GPC5: variants seen among roughly 807,000 people sequenced by gnomAD.
GPC5 encodes glypican-5.
A neutral mutation model predicts 53.9 loss-of-function variants in GPC5; 47 were observed. The ratio of observed to expected loss-of-function variants is 0.87; its 90% CI spans 0.69 to 1.11. GPC5 has a LOEUF of 1.11. GPC5 is among the 50% of genes most tolerant of loss of function. The pLI is 0.00. For synonymous variants in GPC5, 286 were observed against 263.3 expected (o/e 1.09, Z -0.84); for missense variants, 748 against 713.1 (o/e 1.05, Z -0.56).
At chr13:92,517,040 C>A (rs771286393) in intron 7 of GPC5, among the ~76,000 whole-genome samples, 2 of 152,146 alleles carry the variant, frequency 1.3e-5, no homozygotes, top group Non-Finnish European at 2.9e-5. Flanking sequence ...TATCCCGCGC[C>A]TGTCTCGGAG....
At chr13:92,219,050 A>G (rs1027560344) in intron 7 of GPC5, among the ~76,000 whole-genome samples, 1 of 152,086 alleles carries the variant, frequency 6.6e-6, no homozygotes, top group Non-Finnish European at 1.5e-5. Context: ...TAATCATCCC[A>G]ACATTCCGTG....
chr13:92,239,466 A>G (rs1183207254), intron 7 of GPC5, among the ~76,000 whole-genome samples: 1 of 152,026 alleles, frequency 6.6e-6, no homozygotes, highest in Non-Finnish European at 1.5e-5. Context: ...TAAACCATCC[A>G]TAGTGTTGCA....
chr13:91,677,906 T>C (rs934249707), intron 2 of GPC5, among the ~76,000 whole-genome samples: 3 of 152,224 alleles, frequency 2.0e-5, no homozygotes, highest in Non-Finnish European at 1.5e-5. Flanking sequence ...TTTGACTATG[T>C]TACTGTTGGA....
intron 2 of GPC5, among the ~76,000 whole-genome samples, chr13:91,584,612 C>G (rs776464393): frequency 1.7e-4 from 25 of 150,860 alleles, no homozygotes; most frequent in Non-Finnish European, 3.2e-4. Flanking sequence ...GAGTTTTGCT[C>G]TTGTTGCCCA....
intron 7 of GPC5, among the ~76,000 whole-genome samples, chr13:92,527,412 G>C (rs1409681866): frequency 6.6e-6 from 1 of 152,076 alleles, no homozygotes; most frequent in Non-Finnish European, 1.5e-5. Flanking sequence ...GCAGAGTATG[G>C]TTAATAGCCA....
Position 91,693,780 on chromosome 13 carries a change from C to A in GPC5, c.919C>A (p.His307Asn). The A allele has an allele frequency of 6.2e-7, 1 of 1,614,122 alleles. No individual in the cohort carries two copies. The highest frequency in any genetic ancestry group is 8.5e-7 in the Non-Finnish European group (1 of 1,180,022). The change falls in exon 3 of 8, where the codon CAT becomes AAT. Residue 307 changes from histidine to asparagine, a missense_variant. Transcript: ENST00000377067. Reference sequence around the variant, plus strand: ...GTTGGAAGAACTCTCGGATGCAATGCATGGAACATACGACATTGGACACGT... The same window carrying A: ...GTTGGAAGAACTCTCGGATGCAATGAATGGAACATACGACATTGGACACGT... ...RSLEELSDAM[H>N]GTYDIGHVLL...
chr13:91,610,289 A>G (rs548248764), intron 2 of GPC5, among the ~76,000 whole-genome samples: 10 of 152,318 alleles, frequency 6.6e-5, no homozygotes, highest in Admixed American at 5.9e-4. Flanking sequence ...GAAAACAGTA[A>G]TGAAAAGAAT....
chr13:91,434,808 C>G (rs1879782800), intron 1 of GPC5, among the ~76,000 whole-genome samples: 1 of 152,140 alleles, frequency 6.6e-6, no homozygotes, highest in Non-Finnish European at 1.5e-5. Context: ...ATTGATTCTT[C>G]CTATCCATGA....
chr13:91,514,088 C>T (rs1885374063), intron 2 of GPC5, among the ~76,000 whole-genome samples: 1 of 152,148 alleles, frequency 6.6e-6, no homozygotes. Flanking sequence ...TGGTTATTTT[C>T]AGTAAAGCTA....
intron 3 of GPC5, among the ~76,000 whole-genome samples, chr13:91,711,983 C>T (rs766532253): frequency 8.5e-5 from 13 of 152,138 alleles, no homozygotes; most frequent in Non-Finnish European, 1.5e-4. Context: ...TCTAAGAACA[C>T]GGTTCAGAAA....
intron 5 of GPC5, among the ~76,000 whole-genome samples, chr13:91,896,161 C>T (rs1026081963): frequency 6.8e-6 from 1 of 147,334 alleles, no homozygotes; most frequent in Non-Finnish European, 1.5e-5. Flanking sequence ...GCTCTATCAT[C>T]CAGGCTGGAG....
rs535026765 is a variant in GPC5, at chr13:92,103,413, A to G, written c.1402-41417A>G. Reference sequence around the variant, plus strand: ...TATAACTCCATAGAAGCATATATACATGGTATTCTAAATATTTATCTCACT... The same window carrying G: ...TATAACTCCATAGAAGCATATATACGTGGTATTCTAAATATTTATCTCACT... On this transcript the variant is annotated intron_variant, in intron 6 of 7. Coordinates refer to ENST00000377067, the MANE Select transcript of GPC5 (RefSeq NM_004466.6). Among the ~76,000 whole-genome samples, 6 of 152,270 alleles carry G rather than the reference A, an allele frequency of 3.9e-5. No individual in the cohort carries two copies. The South Asian group carries it at 1.2e-3, about 32-fold the overall frequency.
chr13:91,653,802 G>A (rs1221323817), intron 2 of GPC5, among the ~76,000 whole-genome samples: 2 of 151,836 alleles, frequency 1.3e-5, no homozygotes, highest in Non-Finnish European at 2.9e-5. Flanking sequence ...CAGCTTTCAG[G>A]CATAATTAAC....
At chr13:91,535,313 A>T (rs1169839590) in intron 2 of GPC5, among the ~76,000 whole-genome samples, 2 of 152,152 alleles carry the variant, frequency 1.3e-5, no homozygotes, top group Non-Finnish European at 2.9e-5. Flanking sequence ...TTTCTATAAA[A>T]TATATTGGTC....
Position 91,410,589 on chromosome 13 carries a change from G to T in GPC5, c.163+11380G>T, listed in dbSNP as rs766745870. 7.5e-4 allele frequency among the ~76,000 whole-genome samples: 114 copies of T among 151,678 alleles called. 1 individual carries two copies. The highest frequency in any genetic ancestry group is 2.5e-3 in the African/African-American group (103 of 41,426). On this transcript the variant is annotated intron_variant, in intron 1 of 7. Coordinates refer to ENST00000377067, the MANE Select transcript of GPC5 (RefSeq NM_004466.6). ...TCTCGATCTCCTGACCTCGTGATCC[G>T]CCCGCCTTGGCCTCCCAAAGAGCTG...
At chr13:92,805,575 T>TA (rs1267575362) in intron 7 of GPC5, among the ~76,000 whole-genome samples, 1 of 152,004 alleles carries the variant, frequency 6.6e-6, no homozygotes, top group Non-Finnish European at 1.5e-5. Context: ...TAGCTGGGAC[T>TA]ACAGGTGCAC....
chr13:92,138,127 A>G (rs1246426039), intron 6 of GPC5, among the ~76,000 whole-genome samples: 3 of 152,208 alleles, frequency 2.0e-5, no homozygotes, highest in African/African-American at 7.2e-5. Flanking sequence ...GTATGAATAT[A>G]TGGGACAGCT....
intron 7 of GPC5, among the ~76,000 whole-genome samples, chr13:92,786,404 G>C (rs994620601): frequency 6.6e-6 from 1 of 152,048 alleles, no homozygotes; most frequent in South Asian, 2.1e-4. Context: ...GGTGTAATAG[G>C]AGATAACTGG....
intron 2 of GPC5, among the ~76,000 whole-genome samples, chr13:91,509,519 G>A (rs1237954663): frequency 6.6e-6 from 1 of 151,448 alleles, no homozygotes; most frequent in Non-Finnish European, 1.5e-5. Context: ...ATGAAAAGTT[G>A]ATGTGATTAA....
Sources: allele counts gnomAD v4.1 joint callset (sites outside exome capture counted in the v4.1 genomes callset), GRCh38; gene constraint gnomAD v4.1.1; transcripts MANE v1.5; gene names NCBI Gene and HGNC (gene_info 2026-07-23, HGNC 2026-07-21).